Variants in NOTCH1 observed in about 807,000 individuals in gnomAD.
NOTCH1 encodes the protein notch receptor 1.
A neutral mutation model predicts 254.8 loss-of-function variants in NOTCH1; 37 were observed. The observed-to-expected ratio is 0.15, with a 90% CI of 0.11 to 0.19. The LOEUF is 0.19. Among genes scored for constraint, NOTCH1 ranks in the 10% least tolerant of loss-of-function variants. The probability of loss-of-function intolerance (pLI) is 1.00; values close to 1 mark genes in which losing one functional copy is unlikely to be tolerated. For missense variants in NOTCH1, 2,972 were observed against 3,708.6 expected (o/e 0.80, Z 5.16); for synonymous variants, 1,731 against 1,618.1 (o/e 1.07, Z -1.68).
chr9:136,505,180 T>C (rs1240120379), intron 25 of NOTCH1, 76 bp from the exon 26 acceptor site: 1 of 1,545,312 alleles, frequency 6.5e-7, no homozygotes, highest in Non-Finnish European at 8.8e-7. Context: ...TCCAGCCCAC[T>C]GGCCAGCCGC....
chr9:136,538,449 G>C (rs1843686602), intron 2 of NOTCH1, among the ~76,000 whole-genome samples: 1 of 152,220 alleles, frequency 6.6e-6, no homozygotes, highest in African/African-American at 2.4e-5. Context: ...ACAGTGTGGG[G>C]AGCACAGCAA....
At position 136,509,040 on chromosome 9, in the gene NOTCH1, C is replaced by A; in HGVS notation, c.3001G>T (p.Gly1001Cys). 6.4e-7 allele frequency: 1 copy of A among 1,561,464 alleles called. No homozygotes were observed. Among genetic ancestry groups the A allele is most frequent in the Non-Finnish European group, 8.7e-7 (1 of 1,153,726 alleles). Residue 1001 changes from glycine to cysteine, a missense_variant, in exon 19 of 34, where the codon GGC becomes TGC. Gly to Cys is a radical substitution (Grantham distance 159). Around this residue, in one of 8 missense-constraint regions of NOTCH1, gnomAD observed 1,343 missense variants for 1,557.0 expected, o/e 0.86. Transcript: ENST00000651671. Reference protein sequence around the residue: ...SCFNGGTCVDGINSFTCLCPP... With the variant: ...SCFNGGTCVDCINSFTCLCPP... The stretch of plus-strand genomic sequence containing the variant: ...CACAGGCAGGTGAACGAGTTGATGC[C>A]GTCCACGCAGGTGCCACCGTTGAAG...
intron 24 of NOTCH1, 75 bp from the exon 25 acceptor site, chr9:136,505,956 C>CG: frequency 7.4e-7 from 1 of 1,342,476 alleles, no homozygotes; most frequent in Non-Finnish European, 1.0e-6. Flanking sequence ...ACCCAGCCCT[C>CG]GGCCAGCAGT....
At chr9:136,522,544 T>G in intron 4 of NOTCH1, 1 of 398,530 alleles carries the variant, frequency 2.5e-6, no homozygotes, top group Admixed American at 4.3e-5. Context: ...ACCCTGGGGG[T>G]TGCGCAAGTC....
chr9:136,505,140 CG>C, intron 25 of NOTCH1, 36 bp from the exon 26 acceptor site: 2 of 1,585,300 alleles, frequency 1.3e-6, no homozygotes. Flanking sequence ...CCGCCTTCCT[CG>C]GGGGGCCTCG....
At position 136,523,111 on chromosome 9, in the gene NOTCH1, A is replaced by G. The variant is rs2133377864; in HGVS notation, c.481T>C (p.Ser161Pro). The change falls in exon 4 of 34, where the codon TCC becomes CCC. Residue 161 changes from serine to proline, a missense_variant. Around this residue, in one of 8 missense-constraint regions of NOTCH1, gnomAD observed 374 missense variants for 496.3 expected, o/e 0.75. Transcript: ENST00000651671. Reference sequence around the variant, plus strand: ...CTGGGTGGGCAGTGGCAGATGTAGGAGGCCTCGAAGGGCAGGCACTGGCCA... The same window carrying G: ...CTGGGTGGGCAGTGGCAGATGTAGGGGGCCTCGAAGGGCAGGCACTGGCCA... ...NGGQCLPFEA[S>P]YICHCPPSFH... The G allele has an allele frequency of 6.2e-7, 1 of 1,602,352 alleles. No homozygotes were observed. The highest frequency in any genetic ancestry group is 8.5e-7 in the Non-Finnish European group (1 of 1,175,450).
At position 136,522,885 on chromosome 9, in the gene NOTCH1, G is replaced by T; in HGVS notation, c.707C>A (p.Thr236Lys). 1 of 1,530,182 alleles carries T rather than the reference G, an allele frequency of 6.5e-7. No homozygotes were observed. 94.8% of individuals were successfully genotyped at this position (1,530,182 alleles called of 1,614,324 possible). ...PCQNGGTCRP[T>K]GDVTHECACL... ...GGCACACTCGTGGGTGACGTCGCCC[G>T]TGGGGCGGCAGGTGCCCCCGTTCTG... Residue 236 changes from threonine to lysine, a missense_variant, in exon 4 of 34, where the codon ACG becomes AAG. By Grantham distance (78) the Thr-to-Lys change is moderately conservative (BLOSUM62 -1). Transcript: ENST00000651671.
intron 9 of NOTCH1, 55 bp downstream of exon 9, chr9:136,517,217 C>G (rs1404001096): frequency 8.4e-7 from 1 of 1,189,506 alleles, no homozygotes. Context: ...CCAGGCACCC[C>G]TCAGGAGGCC....
At chr9:136,522,570 G>A (rs879273430) in intron 4 of NOTCH1, 7 of 483,630 alleles carry the variant, frequency 1.4e-5, no homozygotes, top group Non-Finnish European at 2.5e-5. Flanking sequence ...GCCTGCACTG[G>A]GGGGAGGCAG....
intron 2 of NOTCH1, among the ~76,000 whole-genome samples, chr9:136,534,170 C>T (rs980790261): frequency 1.3e-5 from 2 of 152,192 alleles, no homozygotes; most frequent in Admixed American, 1.3e-4. Flanking sequence ...GCTGCACTCA[C>T]AAAAAGGCTG....
At chr9:136,519,374 A>G (rs2133372464) in intron 5 of NOTCH1, 69 bp downstream of exon 5, 3 of 1,595,028 alleles carry the variant, frequency 1.9e-6, no homozygotes, top group Non-Finnish European at 2.6e-6. Flanking sequence ...TATGCCTGTG[A>G]GTGCAGTTTA....
intron 2 of NOTCH1, among the ~76,000 whole-genome samples, chr9:136,524,453 T>C (rs1384951310): frequency 1.3e-5 from 2 of 152,096 alleles, no homozygotes; most frequent in African/African-American, 4.8e-5. Context: ...CCGGGTGCAT[T>C]AGCTCCGTAG....
intron 2 of NOTCH1, among the ~76,000 whole-genome samples, chr9:136,535,476 A>C (rs894333704): frequency 3.9e-5 from 5 of 128,348 alleles, no homozygotes; most frequent in African/African-American, 1.8e-4. Flanking sequence ...GGGAGCACTC[A>C]GGATCCCTCC....
intron 2 of NOTCH1, among the ~76,000 whole-genome samples, chr9:136,532,671 G>A (rs943321034): frequency 2.9e-4 from 44 of 152,218 alleles, no homozygotes; most frequent in Non-Finnish European, 4.7e-4. Flanking sequence ...CCACGAGGAC[G>A]GCAGCTGGGG....
chr9:136,495,109 G>A lies in NOTCH1; in HGVS notation c.*962C>T, dbSNP rs1332867174. On this transcript the variant is annotated 3_prime_UTR_variant, in exon 34 of 34. Transcript: ENST00000651671. The stretch of plus-strand genomic sequence containing the variant: ...GGAGCATCTTCTTCGGAACCTGGGG[G>A]ACACTGTGCAGGCTGAGGTGCTGGG... 1 of 398,972 alleles carries A rather than the reference G, an allele frequency of 2.5e-6. No homozygotes were observed. Among genetic ancestry groups the A allele is most frequent in the East Asian group, 3.5e-5 (1 of 28,226 alleles). The allele number at this position is 398,972 out of a possible 1,614,324, so 24.7% of individuals were successfully genotyped here.
rs1313665866 is a variant in NOTCH1 at position 136,500,643 on chromosome 9, A to T, written c.5843T>A (p.Leu1948Gln). ...YSRSDAAKRL[L>Q]EASADANIQD... is the part of the protein sequence containing the mutation. ...GATGTTGGCATCTGCGCTGGCCTCCAGCAGGCGCTTGGCGGCATCAGAGCG... is the reference window on the plus strand; with the variant it reads ...GATGTTGGCATCTGCGCTGGCCTCCTGCAGGCGCTTGGCGGCATCAGAGCG... Residue 1948 changes from leucine (L) to glutamine (Q), a missense_variant, in exon 31 of 34, where the codon CTG becomes CAG. This residue lies in a region of NOTCH1 where 421 missense variants were observed against 604.4 expected (regional missense o/e 0.70). Coordinates refer to ENST00000651671, the MANE Select transcript of NOTCH1 (RefSeq NM_017617.5). 2 of 1,611,992 alleles carry T rather than the reference A, an allele frequency of 1.2e-6. No homozygotes were observed. Among genetic ancestry groups the T allele is most frequent in the Non-Finnish European group, 1.7e-6 (2 of 1,179,882 alleles).
At chr9:136,522,506 C>T in intron 4 of NOTCH1, 1 of 318,528 alleles carries the variant, frequency 3.1e-6, no homozygotes. Flanking sequence ...CCCACGCCCT[C>T]TCCGGCCCCA....
chr9:136,534,120 G>A (rs1001140198), intron 2 of NOTCH1, among the ~76,000 whole-genome samples: 1 of 152,194 alleles, frequency 6.6e-6, no homozygotes, highest in Non-Finnish European at 1.5e-5. Context: ...GCGGGAGACG[G>A]GGGAGTCCAC....
At chr9:136,497,924 C>T (rs780583841) in intron 33 of NOTCH1, among the ~76,000 whole-genome samples, 1 of 152,168 alleles carries the variant, frequency 6.6e-6, no homozygotes, top group Non-Finnish European at 1.5e-5. Flanking sequence ...GGTTCAGAGG[C>T]ACCGGCGAGG....
Sources: gnomAD v4.1 joint callset for allele counts (sites outside exome capture counted in the v4.1 genomes callset) on GRCh38, gnomAD v4.1.1 for gene constraint, gnomAD v4.1.1 regional missense constraint, MANE v1.5 for transcripts, NCBI Gene and HGNC (gene_info 2026-07-23, HGNC 2026-07-21) for gene names.